Variants in FAM177A1 observed in about 807,000 individuals in gnomAD.
The protein encoded by FAM177A1 is protein FAM177A1.
In FAM177A1, 22 loss-of-function variants were observed where a neutral mutation model predicts 26.1. That is an observed-to-expected ratio of 0.84 (90% CI 0.60 to 1.20). FAM177A1 has a LOEUF of 1.20. Ranked by LOEUF, FAM177A1 falls within the 50% of genes most tolerant of loss-of-function variation. FAM177A1 has a pLI of 0.00. For synonymous variants in FAM177A1, 95 were observed against 99.3 expected (o/e 0.96, Z 0.26); for missense variants, 296 against 291.1 (o/e 1.02, Z -0.12).
intron 2 of FAM177A1, among the ~76,000 whole-genome samples, chr14:35,069,354 C>T (rs1034260886): frequency 1.3e-5 from 2 of 149,432 alleles, no homozygotes; most frequent in Admixed American, 1.3e-4. Flanking sequence ...GGCGCAATCT[C>T]GGCTCACCAT....
intron 2 of FAM177A1, among the ~76,000 whole-genome samples, chr14:35,059,394 T>C (rs1420468257): frequency 6.6e-6 from 1 of 152,210 alleles, no homozygotes; most frequent in African/African-American, 2.4e-5. Flanking sequence ...TGTTAATCCA[T>C]TCATATTTTA....
At chr14:35,055,624 A>T (rs1314857589) in intron 2 of FAM177A1, among the ~76,000 whole-genome samples, 1 of 151,592 alleles carries the variant, frequency 6.6e-6, no homozygotes, top group African/African-American at 2.4e-5. Flanking sequence ...TTTAGTAGAG[A>T]TGCAGTTTCA....
In FAM177A1 at chr14:35,046,306, C is replaced by A. The variant is rs1167378321; in HGVS notation, c.-158C>A. ...TTGGCCAGCTCTCGGGGTGCGGAGCCCGGCGGGCTAGGCGAGGCGCGGGCT... is the reference window on the plus strand; with the variant it reads ...TTGGCCAGCTCTCGGGGTGCGGAGCACGGCGGGCTAGGCGAGGCGCGGGCT... On this transcript the variant is annotated 5_prime_UTR_variant, in exon 1 of 5. Coordinates refer to ENST00000280987, the MANE Select transcript of FAM177A1 (RefSeq NM_173607.5). 2.3e-6 allele frequency: 2 copies of A among 854,208 alleles called. No homozygotes were observed. Among genetic ancestry groups the A allele is most frequent in the Non-Finnish European group, 3.3e-6 (2 of 606,512 alleles). 52.9% of individuals were successfully genotyped at this position (854,208 alleles called of 1,614,324 possible). A position where few individuals can be genotyped will look rare whatever the true frequency, so the allele number is the denominator to read the frequency against.
chr14:35,046,162 T>A (rs185805780), upstream of FAM177A1: 68 of 249,436 alleles, frequency 2.7e-4, 1 homozygote, highest in African/African-American at 1.5e-3. Context: ...TCACAGGCGG[T>A]GCCAGGCGGG....
chr14:35,066,803 C>CT (rs35581352), intron 2 of FAM177A1, among the ~76,000 whole-genome samples: 29,137 of 148,496 alleles, frequency 0.2, 2,920 homozygotes, highest in East Asian at 0.37. Context: ...AATCTTGAAT[C>CT]TTTTTTTTTT....
chr14:35,058,432 CTCTT>C (rs1283760368), intron 2 of FAM177A1, among the ~76,000 whole-genome samples: 3 of 152,176 alleles, frequency 2.0e-5, no homozygotes, highest in Admixed American at 6.6e-5. Flanking sequence ...ATTTCTCCCT[CTCTT>C]TCTGTCAGAT....
At chr14:35,053,103 G>A (rs749974768) in intron 1 of FAM177A1, 175 bp from the exon 2 acceptor site, 19 of 592,208 alleles carry the variant, frequency 3.2e-5, no homozygotes, top group Non-Finnish European at 5.6e-5. Flanking sequence ...GTCTGCCATA[G>A]TCTTGACACT....
chr14:35,070,256 C>T (rs2045300939), intron 2 of FAM177A1, among the ~76,000 whole-genome samples: 1 of 151,568 alleles, frequency 6.6e-6, no homozygotes. Flanking sequence ...GATCTCCTGA[C>T]CTCGTGATCC....
At chr14:35,077,468 C>CTTTT (rs150813883) in intron 3 of FAM177A1, among the ~76,000 whole-genome samples, 107 of 79,528 alleles carry the variant, frequency 1.3e-3, no homozygotes, top group East Asian at 1.9e-3. Flanking sequence ...TTTTCAAGTT[C>CTTTT]TTTTTTTTTT....
At position 35,077,255 on chromosome 14, in the gene FAM177A1, A is replaced by C. The variant is rs563039822; in HGVS notation, c.406+39A>C. ...GCTTGAATATTGTATAATTGCTGTAACATGCTTCAGCAACAGGAACTTTGC... is the reference window on the plus strand; with the variant it reads ...GCTTGAATATTGTATAATTGCTGTACCATGCTTCAGCAACAGGAACTTTGC... On this transcript the variant is annotated intron_variant, in intron 3 of 4. Transcript: ENST00000280987. 1.3e-4 allele frequency: 205 copies of C among 1,566,088 alleles called. 3 individuals carry two copies. The South Asian group carries it at 2.3e-3, about 17-fold the overall frequency.
At chr14:35,053,549 T>G in intron 2 of FAM177A1, 98 bp downstream of exon 2, 1 of 984,042 alleles carries the variant, frequency 1.0e-6, no homozygotes, top group Middle Eastern at 2.2e-4. Context: ...GAGGTTTAAA[T>G]CAACTATATT....
At chr14:35,074,426 A>G (rs953939465) in intron 2 of FAM177A1, among the ~76,000 whole-genome samples, 4 of 152,106 alleles carry the variant, frequency 2.6e-5, no homozygotes, top group African/African-American at 9.7e-5. Context: ...CCCAGATTCA[A>G]GCGATTCTCC....
At chr14:35,080,529 G>A (rs533267550) in intron 4 of FAM177A1, among the ~76,000 whole-genome samples, 5 of 152,292 alleles carry the variant, frequency 3.3e-5, no homozygotes, top group South Asian at 4.1e-4. Flanking sequence ...GGCTGAGCGC[G>A]GTGGCTCATG....
chr14:35,067,538 T>C (rs1456180750), intron 2 of FAM177A1, among the ~76,000 whole-genome samples: 1 of 152,214 alleles, frequency 6.6e-6, no homozygotes, highest in Non-Finnish European at 1.5e-5. Context: ...CCTTTCAATA[T>C]ATATTCAGAA....
Position 35,083,055 on chromosome 14 carries a change from C to G in FAM177A1, c.*1827C>G, listed in dbSNP as rs2045510822. ...ATAGTTCTAAAACATGCTAACCTGACCTTTTCCTTCTAATTTGTTTTTAAC... is the reference window on the plus strand; with the variant it reads ...ATAGTTCTAAAACATGCTAACCTGAGCTTTTCCTTCTAATTTGTTTTTAAC... On this transcript the variant is annotated 3_prime_UTR_variant, in exon 5 of 5. Transcript: ENST00000280987. The G allele has an allele frequency of 6.6e-6, 1 of 152,322 alleles. No individual in the cohort carries two copies. Among genetic ancestry groups the G allele is most frequent in the South Asian group, 2.1e-4 (1 of 4,830 alleles). 9.4% of individuals were successfully genotyped at this position (152,322 alleles called of 1,614,324 possible).
chr14:35,077,128 C>T, intron 2 of FAM177A1, 22 bp from the exon 3 acceptor site: 2 of 1,597,574 alleles, frequency 1.3e-6, no homozygotes. Context: ...ATGAATGTTG[C>T]TAACATGATT....
intron 4 of FAM177A1, among the ~76,000 whole-genome samples, chr14:35,079,488 A>C (rs1024793878): frequency 4.6e-5 from 7 of 152,194 alleles, no homozygotes; most frequent in Non-Finnish European, 1.5e-5. Flanking sequence ...TCTTAAGGTG[A>C]GAGTGAAGTG....
At chr14:35,068,788 G>A (rs2045275871) in intron 2 of FAM177A1, among the ~76,000 whole-genome samples, 1 of 152,220 alleles carries the variant, frequency 6.6e-6, no homozygotes. Flanking sequence ...CAGTTGTGGA[G>A]GCTGGGAAGT....
chr14:35,047,663 T>C (rs1335808797), intron 1 of FAM177A1, among the ~76,000 whole-genome samples: 1 of 151,948 alleles, frequency 6.6e-6, no homozygotes, highest in East Asian at 1.9e-4. Flanking sequence ...GCAGGAGAAT[T>C]GCTTGAACCC....
Sources: gnomAD v4.1 joint callset for allele counts (sites outside exome capture counted in the v4.1 genomes callset) on GRCh38, gnomAD v4.1.1 for gene constraint, MANE v1.5 for transcripts, NCBI Gene and HGNC (gene_info 2026-07-23, HGNC 2026-07-21) for gene names.